Variants in RAB3GAP2 observed in about 807,000 individuals in gnomAD.
The protein encoded by RAB3GAP2 is rab3 GTPase-activating protein non-catalytic subunit.
A neutral mutation model predicts 185.3 loss-of-function variants in RAB3GAP2; 87 were observed. The observed-to-expected ratio is 0.47, with a 90% CI of 0.39 to 0.56. The LOEUF (loss-of-function observed/expected upper bound fraction) is 0.56, where lower values mean the gene tolerates loss of function less well. Ranked by LOEUF, RAB3GAP2 falls within the 20% of genes least tolerant of loss-of-function variation. RAB3GAP2 has a pLI of 0.00. For synonymous variants in RAB3GAP2, 554 were observed against 576.1 expected, an observed-to-expected ratio of 0.96 and a Z score of 0.55; for missense variants, 1,492 against 1,638.2, an observed-to-expected ratio of 0.91 and a Z score of 1.54.
chr1:220,249,082 A>G (rs1659881127), intron 1 of RAB3GAP2, among the ~76,000 whole-genome samples: 1 of 152,206 alleles, frequency 6.6e-6, no homozygotes. Context: ...GGGTGCTGCC[A>G]TAAGGATACC....
intron 27 of RAB3GAP2, among the ~76,000 whole-genome samples, chr1:220,163,744 C>CATACATACATATATAT (rs775527991): frequency 2.4e-5 from 3 of 123,024 alleles, no homozygotes; most frequent in African/African-American, 9.4e-5. Flanking sequence ...TAAATACATA[C>CATACATACATATATAT]ATATATATAT....
At chr1:220,220,950 A>G (rs1436594367) in intron 2 of RAB3GAP2, among the ~76,000 whole-genome samples, 2 of 152,156 alleles carry the variant, frequency 1.3e-5, no homozygotes, top group Non-Finnish European at 2.9e-5. Flanking sequence ...ATGGACTAAC[A>G]CACTGGCCTA....
chr1:220,188,615 A>G (rs1658549333), intron 17 of RAB3GAP2, among the ~76,000 whole-genome samples: 2 of 152,228 alleles, frequency 1.3e-5, no homozygotes, highest in South Asian at 4.1e-4. Context: ...AATTAGTACA[A>G]CTATTTTGGG....
chr1:220,175,997 G>A (rs940167038), intron 21 of RAB3GAP2, among the ~76,000 whole-genome samples: 1 of 152,072 alleles, frequency 6.6e-6, no homozygotes, highest in Non-Finnish European at 1.5e-5. Context: ...TCACTTATAA[G>A]CAATATAGAT....
chr1:220,153,134 C>G (rs1657793250), intron 33 of RAB3GAP2, 51 bp downstream of exon 33: 1 of 1,374,220 alleles, frequency 7.3e-7, no homozygotes, highest in African/African-American at 1.4e-5. Context: ...TTTATTCCAA[C>G]TATCAATTTT....
Position 220,185,714 on chromosome 1 carries a change from G to C in RAB3GAP2, c.1807C>G (p.Arg603Gly). Reference protein sequence around the residue: ...QALESILASERLPFSCLRNIT... With the variant: ...QALESILASEGLPFSCLRNIT... ...TTTCTAAGGCAAGAAAATGGTAAAC[G>C]TTCACTTGCCAAAATGCTTTCCAAA... is the stretch of plus-strand genomic sequence containing the variant. The change falls in exon 18 of 35, where the codon CGT becomes GGT. Residue 603 changes from arginine to glycine, a missense_variant. Arg to Gly is a moderately radical substitution (Grantham distance 125). Coordinates refer to ENST00000358951, the MANE Select transcript of RAB3GAP2 (RefSeq NM_012414.4). 1 of 1,612,184 alleles carries C rather than the reference G, an allele frequency of 6.2e-7. No homozygotes were observed. Among genetic ancestry groups the C allele is most frequent in the Non-Finnish European group, 8.5e-7 (1 of 1,178,668 alleles).
rs527337693 is a variant in RAB3GAP2, at chr1:220,238,774, CT to C, written c.116-5912del. Among the ~76,000 whole-genome samples, 152 of 152,322 alleles carry C rather than the reference CT, an allele frequency of 1.0e-3. 2 individuals are homozygous for C. Among genetic ancestry groups the C allele is most frequent in the Middle Eastern group, 3.4e-3 (1 of 294 alleles). ...TTGCATCCACCAATGATCTTTCCCT[CT>C]TGTGAAACTACAGCATTTGACTGTG... is the stretch of plus-strand genomic sequence containing the variant. On this transcript the variant is annotated intron_variant, in intron 1 of 34. Coordinates refer to ENST00000358951, the MANE Select transcript of RAB3GAP2 (RefSeq NM_012414.4).
chr1:220,257,377 C>CA (rs949119547), intron 1 of RAB3GAP2, among the ~76,000 whole-genome samples: 23 of 139,286 alleles, frequency 1.7e-4, no homozygotes, highest in East Asian at 6.2e-4. Flanking sequence ...GACTCCATCT[C>CA]AAAAAAAAAC....
intron 28 of RAB3GAP2, 134 bp from the exon 29 acceptor site, chr1:220,159,555 A>G: frequency 1.5e-6 from 1 of 666,514 alleles, no homozygotes; most frequent in East Asian, 2.8e-5. Context: ...AGCCTCATTA[A>G]TTAGCTGTTG....
At chr1:220,186,099 GTTA>G (rs1658502756) in intron 17 of RAB3GAP2, among the ~76,000 whole-genome samples, 1 of 152,086 alleles carries the variant, frequency 6.6e-6, no homozygotes, top group Admixed American at 6.6e-5. Flanking sequence ...AAAAGCAGAG[GTTA>G]TTGTCATGTC....
chr1:220,201,073 C>G (rs1658846605), intron 9 of RAB3GAP2, among the ~76,000 whole-genome samples: 5 of 152,142 alleles, frequency 3.3e-5, no homozygotes, highest in Admixed American at 3.3e-4. Flanking sequence ...TTTCTTCTAA[C>G]CAGGCTCCTA....
chr1:220,204,761 G>A (rs1294476976), intron 8 of RAB3GAP2, among the ~76,000 whole-genome samples: 3 of 105,882 alleles, frequency 2.8e-5, no homozygotes, highest in African/African-American at 7.8e-5. Context: ...AACAGTCCCC[G>A]GAGTGTGATG....
chr1:220,205,808 G>T, intron 8 of RAB3GAP2, 99 bp downstream of exon 8: 1 of 884,544 alleles, frequency 1.1e-6, no homozygotes, highest in South Asian at 1.5e-5. Context: ...TAGTTCAGAA[G>T]GCCTTTTTTA....
intron 1 of RAB3GAP2, among the ~76,000 whole-genome samples, chr1:220,257,057 C>T (rs1446347623): frequency 6.6e-6 from 1 of 152,180 alleles, no homozygotes; most frequent in African/African-American, 2.4e-5. Flanking sequence ...GACCACAGAA[C>T]AATCGAATTA....
At chr1:220,168,831 C>T (rs927002034) in intron 24 of RAB3GAP2, among the ~76,000 whole-genome samples, 6 of 152,172 alleles carry the variant, frequency 3.9e-5, no homozygotes, top group African/African-American at 1.2e-4. Context: ...CGCTGAAAAA[C>T]GTTCCAGATA....
At chr1:220,254,952 CTT>C (rs59174009) in intron 1 of RAB3GAP2, among the ~76,000 whole-genome samples, 56 of 131,460 alleles carry the variant, frequency 4.3e-4, no homozygotes, top group Middle Eastern at 4.1e-3. Context: ...TCCATTTGTG[CTT>C]TTTTTTTTTT....
At chr1:220,232,039 T>A (rs1039350735) in intron 2 of RAB3GAP2, among the ~76,000 whole-genome samples, 2 of 152,232 alleles carry the variant, frequency 1.3e-5, no homozygotes, top group East Asian at 3.9e-4. Context: ...TATGTGAAAA[T>A]ATACTAACAT....
chr1:220,168,032 T>C (rs1658104723), intron 24 of RAB3GAP2, among the ~76,000 whole-genome samples: 1 of 152,200 alleles, frequency 6.6e-6, no homozygotes, highest in South Asian at 2.1e-4. Flanking sequence ...AAATTATAAA[T>C]GAAAATAGAT....
chr1:220,201,994 G>A lies in RAB3GAP2; in HGVS notation c.811+282C>T, dbSNP rs1658869562. Reference sequence around the variant, plus strand: ...AACCCAGCCAACATGATGAAATCCCGTCTCTATTAAAAATACAAAAATCAG... The same window carrying A: ...AACCCAGCCAACATGATGAAATCCCATCTCTATTAAAAATACAAAAATCAG... On this transcript the variant is annotated intron_variant, in intron 9 of 34. Coordinates refer to ENST00000358951, the MANE Select transcript of RAB3GAP2 (RefSeq NM_012414.4). Among the ~76,000 whole-genome samples, 4 of 151,718 alleles carry A rather than the reference G, an allele frequency of 2.6e-5. No individual in the cohort carries two copies. In the South Asian group the frequency reaches 8.3e-4, roughly 32 times the overall value.
Sources: allele counts gnomAD v4.1 joint callset (sites outside exome capture counted in the v4.1 genomes callset), GRCh38; gene constraint gnomAD v4.1.1; transcripts MANE v1.5; gene names NCBI Gene and HGNC (gene_info 2026-07-23, HGNC 2026-07-21).